STXBP6: variants seen among roughly 807,000 people sequenced by gnomAD.
STXBP6 encodes syntaxin-binding protein 6.
Under a neutral mutation model 26.9 loss-of-function variants are expected in STXBP6, and 21 were observed. The observed-to-expected ratio is 0.78, with a 90% CI of 0.55 to 1.12. The LOEUF (loss-of-function observed/expected upper bound fraction) is 1.12, where lower values mean the gene tolerates loss of function less well. STXBP6 is among the 50% of genes most tolerant of loss of function. The pLI is 0.00. For synonymous variants in STXBP6, 97 were observed against 92.6 expected (o/e 1.05, Z -0.27); for missense variants, 232 against 257.9 (o/e 0.90, Z 0.69).
At chr14:25,047,106 C>A (rs1007079743) in intron 1 of STXBP6, among the ~76,000 whole-genome samples, 5 of 152,188 alleles carry the variant, frequency 3.3e-5, no homozygotes, top group African/African-American at 1.2e-4. Context: ...TTCTGTCCTC[C>A]AACCTTAAGG....
rs2067812870 is a variant in STXBP6, at chr14:24,811,166, C to T, written c.*1543G>A. On this transcript the variant is annotated 3_prime_UTR_variant, in exon 6 of 6. Coordinates refer to ENST00000323944, the MANE Select transcript of STXBP6 (RefSeq NM_001394410.1). ...AATCTCATCTCCCTTTTAATGTGCACCATCTGATATTTTTACCCCCAGTAG... is the reference window on the plus strand; with the variant it reads ...AATCTCATCTCCCTTTTAATGTGCATCATCTGATATTTTTACCCCCAGTAG... The T allele has an allele frequency of 1.3e-5, 2 of 152,174 alleles. No homozygotes were observed. The highest frequency in any genetic ancestry group is 4.8e-5 in the African/African-American group (2 of 41,516). The allele number at this position is 152,174 out of a possible 1,614,324, so 9.4% of individuals were successfully genotyped here. A position where few individuals can be genotyped will look rare whatever the true frequency, so the allele number is the denominator to read the frequency against.
At chr14:24,931,963 A>C (rs976892230) in intron 2 of STXBP6, among the ~76,000 whole-genome samples, 2 of 152,214 alleles carry the variant, frequency 1.3e-5, no homozygotes, top group Non-Finnish European at 2.9e-5. Context: ...GAGGATACGT[A>C]GAGGTCCAAT....
At chr14:25,030,014 C>T (rs529925426) in intron 1 of STXBP6, among the ~76,000 whole-genome samples, 2 of 152,246 alleles carry the variant, frequency 1.3e-5, no homozygotes, top group East Asian at 3.9e-4. Flanking sequence ...TCAATTAATC[C>T]CCCTATTAAT....
intron 1 of STXBP6, among the ~76,000 whole-genome samples, chr14:25,033,443 T>C (rs900841224): frequency 3.9e-5 from 6 of 152,222 alleles, no homozygotes; most frequent in African/African-American, 1.4e-4. Context: ...AACATGAATC[T>C]TGTCAATCTA....
chr14:24,984,069 T>A (rs908176842), intron 1 of STXBP6, among the ~76,000 whole-genome samples: 1 of 151,968 alleles, frequency 6.6e-6, no homozygotes, highest in African/African-American at 2.4e-5. Flanking sequence ...CTGTCTCTAG[T>A]AAAAATACAA....
At chr14:25,027,016 A>G (rs960104847) in intron 1 of STXBP6, among the ~76,000 whole-genome samples, 1 of 152,234 alleles carries the variant, frequency 6.6e-6, no homozygotes, top group African/African-American at 2.4e-5. Context: ...AACTCCTATC[A>G]GATTTCTAAA....
chr14:24,993,756 T>C (rs2074531786), intron 1 of STXBP6, among the ~76,000 whole-genome samples: 1 of 152,182 alleles, frequency 6.6e-6, no homozygotes, highest in South Asian at 2.1e-4. Flanking sequence ...TGTCAGCCTG[T>C]ACAGTAGCAG....
At chr14:24,989,155 C>A (rs1335893294) in intron 1 of STXBP6, among the ~76,000 whole-genome samples, 1 of 152,148 alleles carries the variant, frequency 6.6e-6, no homozygotes, top group Admixed American at 6.5e-5. Flanking sequence ...ATCACCAGAC[C>A]CCACTACTCC....
chr14:24,842,222 A>G (rs2068805985), intron 4 of STXBP6, among the ~76,000 whole-genome samples: 1 of 152,150 alleles, frequency 6.6e-6, no homozygotes, highest in Admixed American at 6.5e-5. Flanking sequence ...CCACTTCCCT[A>G]AGGAGCAATT....
chr14:24,917,714 A>G (rs183628146), intron 2 of STXBP6, among the ~76,000 whole-genome samples: 8 of 152,246 alleles, frequency 5.3e-5, no homozygotes, highest in African/African-American at 1.9e-4. Context: ...TCTAGACATG[A>G]CACTAAAAAC....
intron 2 of STXBP6, among the ~76,000 whole-genome samples, chr14:24,913,755 C>CT (rs1454932778): frequency 1.3e-5 from 2 of 152,150 alleles, no homozygotes; most frequent in African/African-American, 4.8e-5. Flanking sequence ...GAGATAAAAT[C>CT]TTTATAGTCT....
chr14:25,016,167 T>C (rs1164276862), intron 1 of STXBP6, among the ~76,000 whole-genome samples: 1 of 152,184 alleles, frequency 6.6e-6, no homozygotes, highest in Non-Finnish European at 1.5e-5. Flanking sequence ...TATTATAACC[T>C]ATTATACTTT....
intron 1 of STXBP6, among the ~76,000 whole-genome samples, chr14:25,003,995 C>T (rs1441105904): frequency 6.6e-6 from 1 of 152,162 alleles, no homozygotes; most frequent in Non-Finnish European, 1.5e-5. Context: ...ACTGTTTATG[C>T]TCTGGAGTAA....
chr14:24,823,454 G>A (rs1395281660), intron 4 of STXBP6, among the ~76,000 whole-genome samples: 1 of 152,088 alleles, frequency 6.6e-6, no homozygotes, highest in East Asian at 1.9e-4. Flanking sequence ...GTGTATCTTG[G>A]TAATTAAAAT....
intron 2 of STXBP6, among the ~76,000 whole-genome samples, chr14:24,913,203 A>T (rs1175886191): frequency 6.6e-6 from 1 of 152,156 alleles, no homozygotes. Context: ...ACATTCCTTC[A>T]CTGGCCAAAC....
intron 4 of STXBP6, among the ~76,000 whole-genome samples, chr14:24,838,088 A>G (rs2068672910): frequency 6.6e-6 from 1 of 152,190 alleles, no homozygotes; most frequent in Admixed American, 6.5e-5. Flanking sequence ...GCTGGAGTGC[A>G]GTACACGATC....
intron 1 of STXBP6, among the ~76,000 whole-genome samples, chr14:25,036,855 C>CAAA (rs549439602): frequency 1.8e-4 from 11 of 62,240 alleles, no homozygotes; most frequent in African/African-American, 4.9e-4. Context: ...GACTCCGTCT[C>CAAA]AAAAAAAAAA....
chr14:24,857,176 T>A lies in STXBP6; in HGVS notation c.155-19A>T. 2 of 1,612,366 alleles carry A rather than the reference T, an allele frequency of 1.2e-6. No homozygotes were observed. On this transcript the variant is annotated intron_variant, in intron 2 of 5. Transcript: ENST00000323944. ...TTTGTCACTGCCAAGAAAAGATCAC[T>A]CAGATTAGTGCACCTGCAAGTTGGT...
chr14:25,024,651 T>A (rs190225018), intron 1 of STXBP6, among the ~76,000 whole-genome samples: 1 of 151,748 alleles, frequency 6.6e-6, no homozygotes, highest in East Asian at 1.9e-4. Context: ...CTGAGAATAA[T>A]TTAGAACTTG....
Sources: gnomAD v4.1 joint callset for allele counts (sites outside exome capture counted in the v4.1 genomes callset) on GRCh38, gnomAD v4.1.1 for gene constraint, MANE v1.5 for transcripts, NCBI Gene and HGNC (gene_info 2026-07-23, HGNC 2026-07-21) for gene names.